ZNF600: variants seen among roughly 807,000 people sequenced by gnomAD.
ZNF600 encodes zinc finger protein 600.
A neutral mutation model predicts 7.3 loss-of-function variants in ZNF600; 4 were observed. The observed-to-expected ratio is 0.55, with a 90% CI of 0.27 to 1.25. The LOEUF (loss-of-function observed/expected upper bound fraction) is 1.25, where lower values mean the gene tolerates loss of function less well. Among genes scored for constraint, ZNF600 ranks in the 50% most tolerant of loss-of-function variants. ZNF600 has a pLI of 0.12. For synonymous variants in ZNF600, 290 were observed against 308.9 expected, an observed-to-expected ratio of 0.94 and a Z score of 0.64; for missense variants, 911 against 922.1, an observed-to-expected ratio of 0.99 and a Z score of 0.16.
chr19:52,818,183 T>A, the ZNF600 span, among the ~76,000 whole-genome samples: 1 of 151,566 alleles, frequency 6.6e-6, no homozygotes, highest in East Asian at 1.9e-4. Context: ...ACAGGAAAAC[T>A]CCCACTCTAC....
the ZNF600 span, among the ~76,000 whole-genome samples, chr19:52,793,767 CACACACACACACACACACACACA>C: frequency 3.0e-3 from 6 of 1,970 alleles, no homozygotes; most frequent in African/African-American, 6.0e-3. Context: ...AACTCTGCCA[CACACACACACACACACACACACA>C]CACACACACA....
At chr19:52,778,870 C>T in exon 2 of ZNF600, 1 of 1,604,968 alleles carries the variant, frequency 6.2e-7, no homozygotes, top group Admixed American at 1.7e-5. Context: ...CTCTTCTGAG[C>T]TGCTTCTTCA....
At chr19:52,767,181 C>G (rs1236458320) in exon 4 of ZNF600, 1 of 1,614,064 alleles carries the variant, frequency 6.2e-7, no homozygotes, top group African/African-American at 1.3e-5. Flanking sequence ...ACATACATCA[C>G]ATTTATATTG....
the ZNF600 span, among the ~76,000 whole-genome samples, chr19:52,813,412 C>G: frequency 8.6e-3 from 1,272 of 148,066 alleles, 66 homozygotes; most frequent in Middle Eastern, 0.031. Context: ...CTCAACAGTG[C>G]AAGCTGCTCC....
chr19:52,821,958 CA>C, the ZNF600 span, among the ~76,000 whole-genome samples: 17,945 of 150,992 alleles, frequency 0.12, 1,284 homozygotes, highest in South Asian at 0.21. Context: ...TTGTGCGAGA[CA>C]GGGATACAAC....
the ZNF600 span, among the ~76,000 whole-genome samples, chr19:52,821,170 G>C: frequency 1.7e-4 from 26 of 150,298 alleles, 1 homozygote; most frequent in Middle Eastern, 3.4e-3. Context: ...GGTGGGATCC[G>C]CAGGATCCCA....
chr19:52,824,256 T>A, the ZNF600 span, among the ~76,000 whole-genome samples: 1 of 152,146 alleles, frequency 6.6e-6, no homozygotes, highest in East Asian at 1.9e-4. Context: ...TAAGTTTTTC[T>A]TACATAGGCA....
intron 3 of ZNF600, among the ~76,000 whole-genome samples, chr19:52,770,030 A>G (rs1358653308): frequency 6.6e-6 from 1 of 152,242 alleles, no homozygotes; most frequent in East Asian, 1.9e-4. Flanking sequence ...CCCTCTTAAG[A>G]AAAAAGCCAC....
At chr19:52,798,438 C>A in the ZNF600 span, 1 of 429,414 alleles carries the variant, frequency 2.3e-6, no homozygotes, top group South Asian at 1.9e-5. Flanking sequence ...GCATTTGAAA[C>A]AACTGTCTCC....
the ZNF600 span, chr19:52,810,420 G>A: frequency 1.2e-6 from 2 of 1,603,770 alleles, no homozygotes; most frequent in Non-Finnish European, 1.7e-6. Context: ...CAAATTTAGT[G>A]GCCATCCCAA....
At chr19:52,765,464 G>T in exon 4 of ZNF600, 1 of 1,409,018 alleles carries the variant, frequency 7.1e-7, no homozygotes, top group Non-Finnish European at 1.0e-6. Context: ...GAACTGCAAT[G>T]TATGAATGAT....
chr19:52,783,646 C>T (rs1600400699), intron 1 of ZNF600, among the ~76,000 whole-genome samples: 1 of 152,232 alleles, frequency 6.6e-6, no homozygotes, highest in Non-Finnish European at 1.5e-5. Context: ...CAAGCGTGAG[C>T]CACTGCACCT....
At chr19:52,815,253 C>T in the ZNF600 span, among the ~76,000 whole-genome samples, 4 of 145,542 alleles carry the variant, frequency 2.7e-5, no homozygotes, top group Admixed American at 1.4e-4. Flanking sequence ...CAGTGGCTCA[C>T]ACCTGTAATC....
chr19:52,767,978 C>G (rs2062602406), intron 3 of ZNF600, among the ~76,000 whole-genome samples: 1 of 152,056 alleles, frequency 6.6e-6, no homozygotes, highest in Admixed American at 6.6e-5. Flanking sequence ...AAGTCTATTT[C>G]CTATGTCATC....
rs909780528 is a variant in ZNF600, at chr19:52,782,164, G to A, written c.-19-3257C>T. Among the ~76,000 whole-genome samples, 46 of 151,668 alleles carry A rather than the reference G, an allele frequency of 3.0e-4. 1 individual carries two copies. Among genetic ancestry groups the A allele is most frequent in the Non-Finnish European group, 1.5e-5 (1 of 67,944 alleles). On this transcript the variant is annotated intron_variant, in intron 1 of 3. Coordinates refer to ENST00000648973, the Ensembl canonical transcript of ZNF600. ...AATCACTTGAGCCCAGGAGGTTGCC[G>A]CTGCACTGAGCTGTGATCCTGCCAC... is the stretch of plus-strand genomic sequence containing the variant.
chr19:52,809,534 G>A, the ZNF600 span, among the ~76,000 whole-genome samples: 2 of 152,322 alleles, frequency 1.3e-5, no homozygotes, highest in African/African-American at 2.4e-5. Flanking sequence ...TGGGCCTGGC[G>A]CGGTGGCTCA....
At chr19:52,780,633 A>C (rs959536799) in intron 1 of ZNF600, 1 of 151,984 alleles carries the variant, frequency 6.6e-6, no homozygotes, top group Non-Finnish European at 1.5e-5. Context: ...GAGTCTGAGG[A>C]AGGAGAATCC....
chr19:52,792,809 T>C, the ZNF600 span, among the ~76,000 whole-genome samples: 1 of 151,470 alleles, frequency 6.6e-6, no homozygotes, highest in African/African-American at 2.4e-5. Flanking sequence ...CTCGGCTCAC[T>C]GCAAGCTCCG....
the ZNF600 span, among the ~76,000 whole-genome samples, chr19:52,810,908 CCTCTCCCT>C: frequency 0.013 from 1,281 of 97,806 alleles, 58 homozygotes; most frequent in African/African-American, 0.027. Context: ...CCTCCCTCTC[CCTCTCCCT>C]CCACAGTCTC....
Sources: allele counts gnomAD v4.1 joint callset (sites outside exome capture counted in the v4.1 genomes callset), GRCh38; gene constraint gnomAD v4.1.1; transcripts MANE v1.5; gene names NCBI Gene and HGNC (gene_info 2026-07-23, HGNC 2026-07-21).